PZP: variants seen among roughly 807,000 people sequenced by gnomAD.
PZP encodes the protein pregnancy zone protein.
PZP carries 150 observed loss-of-function variants against 179.8 expected under a neutral mutation model. That is an observed-to-expected ratio of 0.83 (90% CI 0.73 to 0.96). PZP has a LOEUF of 0.96. Among genes scored for constraint, PZP ranks in the 40% least tolerant of loss-of-function variants. The pLI is 0.00. For missense variants in PZP, 1,689 were observed against 1,764.0 expected (o/e 0.96, Z 0.76); for synonymous variants, 624 against 652.3 (o/e 0.96, Z 0.66).
chr12:9,182,563 T>A (rs775165017), intron 13 of PZP, among the ~76,000 whole-genome samples: 1 of 152,368 alleles, frequency 6.6e-6, no homozygotes, highest in South Asian at 2.1e-4. Context: ...AAAAAGTTCA[T>A]ACTAATTGAA....
intron 22 of PZP, among the ~76,000 whole-genome samples, chr12:9,162,110 C>T (rs193217293): frequency 3.3e-5 from 5 of 152,110 alleles, no homozygotes; most frequent in Non-Finnish European, 7.4e-5. Flanking sequence ...TACAGGCGCC[C>T]GCCACCAGGC....
At chr12:9,151,717 TGA>T in intron 32 of PZP, 45 bp from the exon 33 acceptor site, 1 of 1,486,484 alleles carries the variant, frequency 6.7e-7, no homozygotes, top group South Asian at 1.1e-5. Flanking sequence ...AGAACAGATG[TGA>T]GAATGGTGTG....
chr12:9,181,948 C>A (rs765807365), intron 14 of PZP, 27 bp downstream of exon 14: 3 of 1,607,840 alleles, frequency 1.9e-6, no homozygotes, highest in Middle Eastern at 1.7e-4. Context: ...TATTTGTGTT[C>A]TTTTAATTTT....
chr12:9,197,614 A>T (rs1943874469), intron 7 of PZP, among the ~76,000 whole-genome samples: 1 of 96,012 alleles, frequency 1.0e-5, no homozygotes, highest in Admixed American at 1.8e-4. Flanking sequence ...TATATATTAT[A>T]TATTTATATA....
rs749550734 is a variant in PZP, at chr12:9,159,963, A to G, written c.3112T>C (p.Tyr1038His). The G allele has an allele frequency of 1.9e-6, 3 of 1,613,710 alleles. No individual in the cohort carries two copies. Among genetic ancestry groups the G allele is most frequent in the African/African-American group, 1.3e-5 (1 of 74,994 alleles). ...CAAGTGTTGCCCTGGTTCCTGCCAT[A>G]TCGTTCCCCAAAGGTGCTGTAGGAG... The part of the protein sequence containing the change: ...DGSYSTFGER[Y>H]GRNQGNTWLT... The change falls in exon 25 of 36, where the codon TAT (tyrosine) becomes CAT (histidine). Residue 1038 changes from tyrosine (Y) to histidine (H), a missense_variant. Tyr to His is a moderately conservative substitution (Grantham distance 83, BLOSUM62 2). This residue lies in a region of PZP where 746 missense variants were observed against 749.2 expected (regional missense o/e 1.00). Transcript: ENST00000261336.
intron 4 of PZP, 70 bp downstream of exon 4, chr12:9,202,249 C>G: frequency 7.4e-7 from 1 of 1,354,062 alleles, no homozygotes; most frequent in East Asian, 2.3e-5. Context: ...TTTCTTGTAC[C>G]TTTCTACCTC....
chr12:9,188,083 G>T (rs1331002976), intron 13 of PZP, among the ~76,000 whole-genome samples: 1 of 152,130 alleles, frequency 6.6e-6, no homozygotes, highest in African/African-American at 2.4e-5. Flanking sequence ...CAAAATATTT[G>T]CAAACCAATA....
At chr12:9,197,695 T>TAA (rs1943893806) in intron 7 of PZP, among the ~76,000 whole-genome samples, 1 of 91,430 alleles carries the variant, frequency 1.1e-5, no homozygotes, top group Non-Finnish European at 1.9e-5. Context: ...ATAATATATA[T>TAA]AATTATATAT....
chr12:9,139,337 A>T, the PZP span, among the ~76,000 whole-genome samples: 1 of 152,076 alleles, frequency 6.6e-6, no homozygotes. Flanking sequence ...TTATTTTGTG[A>T]CTTAATATGT....
chr12:9,185,983 T>G (rs369507345), intron 13 of PZP, among the ~76,000 whole-genome samples: 3 of 151,852 alleles, frequency 2.0e-5, no homozygotes, highest in African/African-American at 7.3e-5. Flanking sequence ...AATTTTTGTA[T>G]TTTTAGTAGA....
chr12:9,139,531 A>G, the PZP span, among the ~76,000 whole-genome samples: 2 of 152,142 alleles, frequency 1.3e-5, no homozygotes, highest in Admixed American at 1.3e-4. Context: ...ATAGTATTGA[A>G]GTTTCCTACT....
the PZP span, among the ~76,000 whole-genome samples, chr12:9,143,635 G>C: frequency 6.6e-6 from 1 of 152,080 alleles, no homozygotes; most frequent in Non-Finnish European, 1.5e-5. Context: ...GCCATTTGCT[G>C]TTCCTGGTTA....
chr12:9,196,688 G>C lies in PZP; in HGVS notation c.868-3C>G. ...GTGATGCAGCCATTGCTGTTAAGCT[G>C]AGAAAAATACCAAAACCAATAAATG... On this transcript the variant is annotated splice_polypyrimidine_tract_variant and splice_region_variant and intron_variant, in intron 8 of 35. Coordinates refer to ENST00000261336, the MANE Select transcript of PZP (RefSeq NM_002864.3). 1.3e-6 allele frequency: 2 copies of C among 1,587,270 alleles called. No homozygotes were observed. The highest frequency in any genetic ancestry group is 1.7e-6 in the Non-Finnish European group (2 of 1,155,776).
At chr12:9,141,147 A>T in the PZP span, among the ~76,000 whole-genome samples, 3 of 152,224 alleles carry the variant, frequency 2.0e-5, no homozygotes, top group African/African-American at 7.2e-5. Flanking sequence ...ATATTTTAAC[A>T]TAACAATTAT....
At chr12:9,205,826 G>A (rs1944414931) in intron 1 of PZP, among the ~76,000 whole-genome samples, 1 of 152,168 alleles carries the variant, frequency 6.6e-6, no homozygotes, top group South Asian at 2.1e-4. Flanking sequence ...ATAGGTGTGA[G>A]ACTAGGAGGA....
At chr12:9,177,681 A>G (rs1942483933) in intron 15 of PZP, among the ~76,000 whole-genome samples, 1 of 152,226 alleles carries the variant, frequency 6.6e-6, no homozygotes, top group Non-Finnish European at 1.5e-5. Flanking sequence ...TTCTATTATT[A>G]TTCAAAGCGA....
chr12:9,194,364 C>G, intron 10 of PZP, 126 bp from the exon 11 acceptor site: 1 of 769,854 alleles, frequency 1.3e-6, no homozygotes, highest in South Asian at 2.2e-5. Flanking sequence ...CCCCACCAAA[C>G]CTTCATATTT....
chr12:9,152,860 T>C lies in PZP; in HGVS notation c.4085A>G (p.Lys1362Arg). 1 of 1,614,124 alleles carries C rather than the reference T, an allele frequency of 6.2e-7. No individual in the cohort carries two copies. The highest frequency in any genetic ancestry group is 8.5e-7 in the Non-Finnish European group (1 of 1,179,986). ...TGAGATCTGAAAGCTGGTGTGGGCTTTGTGTCCATCGCAAGTTTGGGGCAC... is the reference window on the plus strand; with the variant it reads ...TGAGATCTGAAAGCTGGTGTGGGCTCTGTGTCCATCGCAAGTTTGGGGCAC... ...QTVPQTCDGH[K>R]AHTSFQISLT... Residue 1362 changes from lysine to arginine, a missense_variant, in exon 31 of 36, where the codon AAA becomes AGA. Physicochemically the swap from Lys to Arg is conservative, Grantham distance 26. This residue lies in a region of PZP where 746 missense variants were observed against 749.2 expected (regional missense o/e 1.00). Transcript: ENST00000261336.
rs143624057 is a variant in PZP at position 9,188,046 on chromosome 12, G to A, written c.1546+4147C>T. ...AAAAATAGTCTGGCCAAACGTCCTT[G>A]ATGAACATTGATGCAAAAATCCTCA... On this transcript the variant is annotated intron_variant, in intron 13 of 35. Transcript: ENST00000261336. 2.8e-3 allele frequency among the ~76,000 whole-genome samples: 424 copies of A among 152,328 alleles called. 3 individuals are homozygous for A. Among genetic ancestry groups the A allele is most frequent in the African/African-American group, 9.8e-3 (406 of 41,574 alleles).
Sources: gnomAD v4.1 joint callset for allele counts (sites outside exome capture counted in the v4.1 genomes callset) on GRCh38, gnomAD v4.1.1 for gene constraint, gnomAD v4.1.1 regional missense constraint, MANE v1.5 for transcripts, NCBI Gene and HGNC (gene_info 2026-07-23, HGNC 2026-07-21) for gene names.